CALN1: variants seen among roughly 807,000 people sequenced by gnomAD.
CALN1 encodes the protein calneuron 1, also known as calcium-binding protein 8.
In CALN1, 17 loss-of-function variants were observed where a neutral mutation model predicts 30.6. The observed-to-expected ratio is 0.56, with a 90% CI of 0.38 to 0.83. The LOEUF (loss-of-function observed/expected upper bound fraction) is 0.83. Among genes scored for constraint, CALN1 ranks in the 40% least tolerant of loss-of-function variants. CALN1 has a pLI of 0.00. For synonymous variants in CALN1, 156 were observed against 131.4 expected, an observed-to-expected ratio of 1.19 and a Z score of -1.28; for missense variants, 291 against 354.9, an observed-to-expected ratio of 0.82 and a Z score of 1.45.
chr7:71,800,817 A>C (rs370528669), intron 6 of CALN1, among the ~76,000 whole-genome samples: 17 of 152,204 alleles, frequency 1.1e-4, no homozygotes, highest in African/African-American at 4.1e-4. Context: ...TTAAAAAAAA[A>C]ATTATTTTAA....
At chr7:72,268,507 T>A (rs950108103) in intron 3 of CALN1, among the ~76,000 whole-genome samples, 1 of 152,140 alleles carries the variant, frequency 6.6e-6, no homozygotes, top group Non-Finnish European at 1.5e-5. Context: ...CAAAATAAAA[T>A]TAAATTAATT....
At chr7:72,128,934 C>A (rs1808953336) in intron 3 of CALN1, among the ~76,000 whole-genome samples, 1 of 152,086 alleles carries the variant, frequency 6.6e-6, no homozygotes, top group Non-Finnish European at 1.5e-5. Context: ...AGTGAAAAAT[C>A]AGAAACAAAG....
chr7:72,090,691 G>A (rs1025648831), intron 4 of CALN1, among the ~76,000 whole-genome samples: 1 of 152,092 alleles, frequency 6.6e-6, no homozygotes, highest in Non-Finnish European at 1.5e-5. Context: ...GTCCATCAAT[G>A]GATGAATGGA....
intron 2 of CALN1, among the ~76,000 whole-genome samples, chr7:72,285,930 T>C (rs1798052722): frequency 6.6e-6 from 1 of 152,072 alleles, no homozygotes; most frequent in Admixed American, 6.6e-5. Flanking sequence ...ATGCTAAAGG[T>C]TAAAGAGCCT....
rs116615088 is a variant in CALN1, at chr7:72,291,243, A to C, written c.120-12433T>G. On this transcript the variant is annotated intron_variant, in intron 2 of 6. Transcript: ENST00000395275. ...TAGCCCTTTTAACCATTTCTGACTT[A>C]TTTCATATTTTTCTTCAGAATGTCA... is the stretch of plus-strand genomic sequence containing the variant. Among the ~76,000 whole-genome samples, 1,176 of 152,178 alleles carry C rather than the reference A, an allele frequency of 7.7e-3. 11 individuals are homozygous for C. The highest frequency in any genetic ancestry group is 0.027 in the African/African-American group (1,111 of 41,530).
chr7:72,312,275 A>G (rs554953218), intron 2 of CALN1, among the ~76,000 whole-genome samples: 7 of 151,896 alleles, frequency 4.6e-5, no homozygotes, highest in Non-Finnish European at 7.4e-5. Flanking sequence ...GTGGTGGTGC[A>G]TATCTGTAAT....
chr7:72,477,076 T>C, the CALN1 span, among the ~76,000 whole-genome samples: 1 of 152,258 alleles, frequency 6.6e-6, no homozygotes, highest in South Asian at 2.1e-4. Flanking sequence ...CTGGGCGTGG[T>C]GGCGCGCACT....
chr7:71,945,128 G>A (rs1796341345), intron 5 of CALN1, among the ~76,000 whole-genome samples: 1 of 152,082 alleles, frequency 6.6e-6, no homozygotes, highest in Admixed American at 6.6e-5. Flanking sequence ...AAAAGAGCAT[G>A]GCATCTCTTG....
chr7:72,166,071 C>T (rs986368681), intron 3 of CALN1, among the ~76,000 whole-genome samples: 22 of 152,154 alleles, frequency 1.4e-4, no homozygotes, highest in Non-Finnish European at 4.4e-5. Context: ...ACTGTTCCAG[C>T]CTCACTTGCA....
rs1260355176 is a variant in CALN1, at chr7:72,143,251, T to C, written c.245-36957A>G. 3.3e-5 allele frequency among the ~76,000 whole-genome samples: 5 copies of C among 152,238 alleles called. No homozygotes were observed. The South Asian group carries it at 6.2e-4, about 19-fold the overall frequency. ...AAAAAAGATGAGACGAATGGCTTAC[T>C]AGAATAACCAATGCAGAGAAGTCCT... On this transcript the variant is annotated intron_variant, in intron 3 of 6. Coordinates refer to ENST00000395275, the MANE Select transcript of CALN1 (RefSeq NM_031468.4).
intron 3 of CALN1, among the ~76,000 whole-genome samples, chr7:72,115,484 CTTTTTTTTTTTTT>C (rs71069026): frequency 6.2e-5 from 5 of 80,590 alleles, no homozygotes; most frequent in East Asian, 9.6e-4. Flanking sequence ...CATATACATT[CTTTTTTTTTTTTT>C]TTTTTTTTTT....
At chr7:71,993,128 C>A (rs1038694893) in intron 5 of CALN1, among the ~76,000 whole-genome samples, 1 of 151,986 alleles carries the variant, frequency 6.6e-6, no homozygotes, top group Non-Finnish European at 1.5e-5. Context: ...AGCCAGAAGG[C>A]AACATGGATG....
At chr7:72,044,258 T>C (rs889456405) in intron 4 of CALN1, among the ~76,000 whole-genome samples, 1 of 152,094 alleles carries the variant, frequency 6.6e-6, no homozygotes, top group Non-Finnish European at 1.5e-5. Flanking sequence ...CAGGATGTGC[T>C]CAAAGTTTGT....
At chr7:71,927,485 C>T (rs1025306121) in intron 5 of CALN1, among the ~76,000 whole-genome samples, 5 of 152,208 alleles carry the variant, frequency 3.3e-5, no homozygotes, top group East Asian at 1.9e-4. Flanking sequence ...GCTGGGATTA[C>T]AAGCATGAGC....
At chr7:71,924,843 T>C (rs768636366) in intron 5 of CALN1, among the ~76,000 whole-genome samples, 8 of 152,242 alleles carry the variant, frequency 5.3e-5, no homozygotes, top group African/African-American at 1.2e-4. Flanking sequence ...ACATTATGTC[T>C]TAAAACTATT....
At chr7:72,384,547 T>A (rs752244812) in intron 2 of CALN1, among the ~76,000 whole-genome samples, 1 of 151,966 alleles carries the variant, frequency 6.6e-6, no homozygotes, top group Non-Finnish European at 1.5e-5. Flanking sequence ...CAGGGGAGGA[T>A]TGCTTGAGCC....
chr7:72,434,553 G>A (rs763601002), intron 1 of CALN1, among the ~76,000 whole-genome samples: 2 of 151,510 alleles, frequency 1.3e-5, no homozygotes, highest in African/African-American at 4.9e-5. Flanking sequence ...AGGAGAAGGA[G>A]GGGAAGAGGA....
chr7:72,123,893 G>T (rs1325555821), intron 3 of CALN1, among the ~76,000 whole-genome samples: 1 of 152,090 alleles, frequency 6.6e-6, no homozygotes, highest in Non-Finnish European at 1.5e-5. Context: ...CTTTGAAAAG[G>T]CTATCTCCAA....
chr7:72,057,488 A>G (rs112756167), intron 4 of CALN1, among the ~76,000 whole-genome samples: 7 of 145,292 alleles, frequency 4.8e-5, no homozygotes, highest in African/African-American at 1.3e-4. Flanking sequence ...GCTGTTTATC[A>G]TAACATTATT....
Sources: gnomAD v4.1 joint callset for allele counts (sites outside exome capture counted in the v4.1 genomes callset) on GRCh38, gnomAD v4.1.1 for gene constraint, MANE v1.5 for transcripts, NCBI Gene and HGNC (gene_info 2026-07-23, HGNC 2026-07-21) for gene names.